The following NRXN1 variants were observed in gnomAD, a reference collection of about 807,000 sequenced individuals.
The protein encoded by NRXN1 is neurexin-1.
A neutral mutation model predicts 150.9 loss-of-function variants in NRXN1; 39 were observed. The ratio of observed to expected loss-of-function variants is 0.26; its 90% CI spans 0.20 to 0.34. The LOEUF (loss-of-function observed/expected upper bound fraction) is 0.34. Ranked by LOEUF, NRXN1 falls within the 10% of genes least tolerant of loss-of-function variation. NRXN1 has a pLI of 1.00. For synonymous variants in NRXN1, 924 were observed against 757.0 expected (o/e 1.22, Z -3.62); for missense variants, 1,815 against 1,949.9 (o/e 0.93, Z 1.30).
At chr2:50,636,706 C>T (rs78634243) in intron 5 of NRXN1, among the ~76,000 whole-genome samples, 6,428 of 152,098 alleles carry the variant, frequency 0.042, 317 homozygotes, top group African/African-American at 0.12. Context: ...TTCAGAAAGA[C>T]AAAGGAATAT....
At chr2:50,739,891 GGT>G (rs1334872084) in intron 5 of NRXN1, among the ~76,000 whole-genome samples, 2 of 151,930 alleles carry the variant, frequency 1.3e-5, no homozygotes, top group Non-Finnish European at 2.9e-5. Context: ...AATAGAATTT[GGT>G]TACCTTTATG....
At chr2:50,875,344 A>G (rs1039816471) in intron 5 of NRXN1, among the ~76,000 whole-genome samples, 4 of 151,834 alleles carry the variant, frequency 2.6e-5, no homozygotes, top group African/African-American at 9.7e-5. Flanking sequence ...TATACCAAAT[A>G]TGGAGATACT....
chr2:50,016,718 A>G (rs543329240), intron 21 of NRXN1, among the ~76,000 whole-genome samples: 1 of 152,072 alleles, frequency 6.6e-6, no homozygotes, highest in Non-Finnish European at 1.5e-5. Context: ...ACCTGGTCCC[A>G]CTCTTGACAT....
At position 50,134,686 on chromosome 2, in the gene NRXN1, A is replaced by G. The variant is rs114414051; in HGVS notation, c.3547-43192T>C. On this transcript the variant is annotated intron_variant, in intron 18 of 22. Transcript: ENST00000401669. ...GCTTTTTCTCTCCCCTCCTTCCCCC[A>G]TCACACATACCAATGCCTTTTCCTC... 4.0e-3 allele frequency among the ~76,000 whole-genome samples: 610 copies of G among 152,198 alleles called. 1 individual carries two copies. The highest frequency in any genetic ancestry group is 0.017 in the Middle Eastern group (5 of 294).
intron 21 of NRXN1, among the ~76,000 whole-genome samples, chr2:50,017,217 C>G (rs1322495286): frequency 6.6e-6 from 1 of 152,094 alleles, no homozygotes; most frequent in African/African-American, 2.4e-5. Flanking sequence ...GAATGGGAAG[C>G]ATTATTATTA....
intron 5 of NRXN1, among the ~76,000 whole-genome samples, chr2:50,895,568 G>GGT (rs1681801674): frequency 6.9e-6 from 1 of 145,502 alleles, no homozygotes; most frequent in Non-Finnish European, 1.5e-5. Context: ...TTTTTTGGTT[G>GGT]TTTTTTTTGT....
At chr2:50,115,799 C>T (rs1702982145) in intron 18 of NRXN1, among the ~76,000 whole-genome samples, 1 of 152,044 alleles carries the variant, frequency 6.6e-6, no homozygotes, top group African/African-American at 2.4e-5. Context: ...ACTAGTCTAT[C>T]TCCAATGTGA....
rs535973222 is a variant in NRXN1 at position 50,497,573 on chromosome 2, A to T, written c.2639T>A (p.Ile880Asn). ...TATGTCGCCATTTTTACACAGGTCA[A>T]TGTATGCCATTCCATTAAATGTCAA... ...QSLTFNGMAYIDLCKNGDIDY... is the reference protein window; with the variant it reads ...QSLTFNGMAYNDLCKNGDIDY... The change falls in exon 14 of 23, where the codon ATT (isoleucine) becomes AAT (asparagine). Residue 880 changes from isoleucine (I) to asparagine (N), a missense_variant. Ile to Asn is a moderately radical substitution (Grantham distance 149). Around this residue, in one of 6 missense-constraint regions of NRXN1, gnomAD observed 638 missense variants for 652.6 expected, o/e 0.98. Transcript: ENST00000401669. The T allele has an allele frequency of 3.1e-6, 5 of 1,613,836 alleles. No individual in the cohort carries two copies. The highest frequency in any genetic ancestry group is 2.2e-5 in the East Asian group (1 of 44,878).
chr2:50,377,874 G>C (rs1273493393), intron 17 of NRXN1, among the ~76,000 whole-genome samples: 1 of 152,210 alleles, frequency 6.6e-6, no homozygotes, highest in African/African-American at 2.4e-5. Context: ...GCAATGGAAA[G>C]TGGGAAGGAG....
At chr2:50,940,133 CCATGAACTTAGAGTG>C (rs1283935740) in intron 2 of NRXN1, among the ~76,000 whole-genome samples, 1 of 151,992 alleles carries the variant, frequency 6.6e-6, no homozygotes, top group South Asian at 2.1e-4. Context: ...GTTTTTCAAT[CCATGAACTTAGAGTG>C]CAGTTTAAGA....
intron 17 of NRXN1, among the ~76,000 whole-genome samples, chr2:50,322,198 C>G (rs916347664): frequency 2.0e-5 from 3 of 152,116 alleles, no homozygotes; most frequent in Admixed American, 2.0e-4. Flanking sequence ...AGGCCAATTC[C>G]TTTTTATCAC....
At chr2:50,801,187 T>C (rs556744223) in intron 5 of NRXN1, among the ~76,000 whole-genome samples, 1 of 152,290 alleles carries the variant, frequency 6.6e-6, no homozygotes, top group Non-Finnish European at 1.5e-5. Context: ...AAGTTTCTAA[T>C]TATTTCCAAT....
At chr2:50,429,475 T>C (rs1236907531) in intron 17 of NRXN1, among the ~76,000 whole-genome samples, 1 of 152,074 alleles carries the variant, frequency 6.6e-6, no homozygotes, top group Non-Finnish European at 1.5e-5. Flanking sequence ...CAGGCTGGTC[T>C]TGCACTCCTG....
Position 50,916,040 on chromosome 2 carries a change from C to T in NRXN1, c.832+5829G>A, listed in dbSNP as rs1038948988. 1.1e-4 allele frequency among the ~76,000 whole-genome samples: 15 copies of T among 142,372 alleles called. 1 individual carries two copies. Among genetic ancestry groups the T allele is most frequent in the African/African-American group, 3.4e-4 (13 of 38,234 alleles). 93.4% of individuals were successfully genotyped at this position (142,372 alleles called of 152,430 possible). On this transcript the variant is annotated intron_variant, in intron 5 of 22. Coordinates refer to ENST00000401669, the MANE Select transcript of NRXN1 (RefSeq NM_001330078.2). ...ATGAAAATCTTGATAATGAGAGACA[C>T]CGGCATTCTAGATAAAAATCTGTGA...
At chr2:50,423,638 G>A (rs1229639867) in intron 17 of NRXN1, among the ~76,000 whole-genome samples, 2 of 152,010 alleles carry the variant, frequency 1.3e-5, no homozygotes, top group African/African-American at 2.4e-5. Flanking sequence ...ACTAGGAGCT[G>A]AAGATACAGC....
intron 5 of NRXN1, among the ~76,000 whole-genome samples, chr2:50,753,611 G>T (rs1700852095): frequency 6.6e-6 from 1 of 151,742 alleles, no homozygotes; most frequent in Admixed American, 6.6e-5. Flanking sequence ...ACCATTTCTA[G>T]TTATCTTTTC....
At chr2:50,752,295 G>T (rs530979341) in intron 5 of NRXN1, among the ~76,000 whole-genome samples, 1 of 151,836 alleles carries the variant, frequency 6.6e-6, no homozygotes, top group Non-Finnish European at 1.5e-5. Context: ...TCTGAAGATG[G>T]AAATACACTG....
intron 22 of NRXN1, among the ~76,000 whole-genome samples, chr2:49,928,984 A>G (rs573574927): frequency 6.6e-6 from 1 of 152,148 alleles, no homozygotes; most frequent in South Asian, 2.1e-4. Context: ...GAACTTGGAA[A>G]TCAATAAACC....
chr2:50,726,384 C>T (rs930312733), intron 5 of NRXN1, among the ~76,000 whole-genome samples: 1 of 152,134 alleles, frequency 6.6e-6, no homozygotes. Flanking sequence ...TGGTGGCGCC[C>T]GCCTGCAATC....
Sources: allele counts gnomAD v4.1 joint callset (sites outside exome capture counted in the v4.1 genomes callset), GRCh38; gene constraint gnomAD v4.1.1; regional missense constraint gnomAD v4.1.1; transcripts MANE v1.5; gene names NCBI Gene and HGNC (gene_info 2026-07-23, HGNC 2026-07-21).